RTN1: variants seen among roughly 807,000 people sequenced by gnomAD.
RTN1 encodes the protein reticulon 1, also known as reticulon-1.
A neutral mutation model predicts 65.5 loss-of-function variants in RTN1; 25 were observed. The ratio of observed to expected loss-of-function variants is 0.38; its 90% CI spans 0.28 to 0.53. The LOEUF is 0.53. Ranked by LOEUF, RTN1 falls within the 20% of genes least tolerant of loss-of-function variation. The pLI is 0.79. For missense variants in RTN1, 983 were observed against 1,025.4 expected, an observed-to-expected ratio of 0.96 and a Z score of 0.57; for synonymous variants, 471 against 447.6, an observed-to-expected ratio of 1.05 and a Z score of -0.66.
intron 3 of RTN1, among the ~76,000 whole-genome samples, chr14:59,715,759 G>A (rs1418945097): frequency 6.6e-6 from 1 of 151,524 alleles, no homozygotes; most frequent in Non-Finnish European, 1.5e-5. Flanking sequence ...CTGGGTGGTG[G>A]AGGTTGCAGT....
chr14:59,836,770 C>T lies in RTN1; in HGVS notation c.241+33620G>A, dbSNP rs907544980. Among the ~76,000 whole-genome samples the T allele has an allele frequency of 3.3e-5, 5 of 151,946 alleles. No individual in the cohort carries two copies. Among genetic ancestry groups the T allele is most frequent in the Non-Finnish European group, 5.9e-5 (4 of 68,000 alleles). ...AAGGAGGAAGAAAGCCAATGCTGAG[C>T]GGGGTGACACATCGCAGGGGTGCTT... On this transcript the variant is annotated intron_variant, in intron 1 of 8. Coordinates refer to ENST00000267484, the MANE Select transcript of RTN1 (RefSeq NM_021136.3). The surrounding 1 kb of genome is among the most constrained non-coding windows in gnomAD (Gnocchi z 4.9).
chr14:59,678,117 C>T (rs76727576), intron 3 of RTN1, among the ~76,000 whole-genome samples: 107 of 152,216 alleles, frequency 7.0e-4, no homozygotes, highest in Non-Finnish European at 1.0e-3. Context: ...GGAACAAGGG[C>T]GTCATATAAA....
chr14:59,803,144 ATTC>A lies in RTN1; in HGVS notation c.242-56666_242-56664del, dbSNP rs1886576894. On this transcript the variant is annotated intron_variant, in intron 1 of 8. Transcript: ENST00000267484. This position sits in a 1 kb window ranked among gnomAD's most constrained non-coding sequence, Gnocchi z 5.6. ...AAATCAAAAGGACAGGATGTCTCCT[ATTC>A]TTATGTGACTAAACACAGCTAGAAA... Among the ~76,000 whole-genome samples the A allele has an allele frequency of 6.6e-6, 1 of 152,222 alleles. No homozygotes were observed. The highest frequency in any genetic ancestry group is 2.4e-5 in the African/African-American group (1 of 41,466).
intron 3 of RTN1, among the ~76,000 whole-genome samples, chr14:59,657,242 C>A (rs978605264): frequency 2.0e-5 from 3 of 152,054 alleles, no homozygotes; most frequent in African/African-American, 7.2e-5. Flanking sequence ...AACCCTGTCT[C>A]TACTAAAAAT....
intron 3 of RTN1, among the ~76,000 whole-genome samples, chr14:59,642,534 C>T (rs751490247): frequency 9.9e-5 from 15 of 152,072 alleles, no homozygotes; most frequent in Admixed American, 3.9e-4. Context: ...TCTGCCACTT[C>T]GGATATTTGA....
chr14:59,610,765 T>C (rs960121578), intron 3 of RTN1, among the ~76,000 whole-genome samples: 1 of 152,224 alleles, frequency 6.6e-6, no homozygotes. Context: ...TAAGAAATTA[T>C]GGTTTAGGAG....
At chr14:59,676,555 T>C (rs1373134429) in intron 3 of RTN1, among the ~76,000 whole-genome samples, 1 of 152,106 alleles carries the variant, frequency 6.6e-6, no homozygotes, top group Non-Finnish European at 1.5e-5. Context: ...GAAAAGACTT[T>C]TGAGGGCAAA....
Position 59,868,557 on chromosome 14 carries a change from A to G in RTN1, c.241+1833T>C, listed in dbSNP as rs951339770. 2.8e-4 allele frequency among the ~76,000 whole-genome samples: 42 copies of G among 152,204 alleles called. No individual in the cohort carries two copies. The highest frequency in any genetic ancestry group is 9.6e-4 in the African/African-American group (40 of 41,466). On this transcript the variant is annotated intron_variant, in intron 1 of 8. Transcript: ENST00000267484. The surrounding 1 kb of genome is among the most constrained non-coding windows in gnomAD (Gnocchi z 4.0). Reference sequence around the variant, plus strand: ...AAAAGAGTAAATTTTAAACGCTTTTACCACAAAAAAAAAGTACATGAGATG... The same window carrying G: ...AAAAGAGTAAATTTTAAACGCTTTTGCCACAAAAAAAAAGTACATGAGATG...
intron 2 of RTN1, among the ~76,000 whole-genome samples, chr14:59,739,664 A>G (rs149412525): frequency 0.01 from 1,549 of 152,268 alleles, 24 homozygotes; most frequent in African/African-American, 0.035. Flanking sequence ...TAGGATAGAA[A>G]GAGGAGAAAA....
chr14:59,624,983 A>G (rs1882354821), intron 3 of RTN1, among the ~76,000 whole-genome samples: 1 of 152,240 alleles, frequency 6.6e-6, no homozygotes. Flanking sequence ...ATTATAAGGT[A>G]ACTTAAAATA....
intron 3 of RTN1, among the ~76,000 whole-genome samples, chr14:59,686,259 C>T (rs998736444): frequency 2.8e-4 from 43 of 152,000 alleles, no homozygotes; most frequent in Admixed American, 1.4e-3. Context: ...CTGGCCTGGG[C>T]GATTATTTTT....
intron 3 of RTN1, among the ~76,000 whole-genome samples, chr14:59,616,591 T>C (rs1004723503): frequency 2.6e-5 from 4 of 152,176 alleles, no homozygotes; most frequent in African/African-American, 7.2e-5. Context: ...TTGATACAAT[T>C]TAGTGTACAT....
chr14:59,626,185 T>C (rs1882394797), intron 3 of RTN1, among the ~76,000 whole-genome samples: 1 of 152,234 alleles, frequency 6.6e-6, no homozygotes, highest in Non-Finnish European at 1.5e-5. Context: ...AACAGATTAT[T>C]TCCTCGGTGT....
At chr14:59,642,593 C>A (rs977157265) in intron 3 of RTN1, among the ~76,000 whole-genome samples, 5 of 152,070 alleles carry the variant, frequency 3.3e-5, no homozygotes, top group Non-Finnish European at 7.4e-5. Context: ...TGTTCAAAGT[C>A]TTATTAAACA....
chr14:59,841,705 AAAAAAAAAAAC>A (rs1183379286), intron 1 of RTN1, among the ~76,000 whole-genome samples: 137 of 110,294 alleles, frequency 1.2e-3, no homozygotes, highest in African/African-American at 5.9e-3. Context: ...AGACTCCATT[AAAAAAAAAAAC>A]AAAAAAAAAA....
chr14:59,665,205 C>A (rs980248251), intron 3 of RTN1, among the ~76,000 whole-genome samples: 3 of 152,128 alleles, frequency 2.0e-5, no homozygotes, highest in African/African-American at 7.2e-5. Context: ...GGTCAAGTTA[C>A]CCACAAAGGG....
intron 3 of RTN1, among the ~76,000 whole-genome samples, chr14:59,723,820 G>A (rs1331089807): frequency 6.6e-6 from 1 of 152,060 alleles, no homozygotes; most frequent in African/African-American, 2.4e-5. Flanking sequence ...TGAGTTGCAT[G>A]ATAAGTAATC....
chr14:59,663,872 G>A (rs1178101013), intron 3 of RTN1, among the ~76,000 whole-genome samples: 2 of 152,108 alleles, frequency 1.3e-5, no homozygotes, highest in African/African-American at 4.8e-5. Flanking sequence ...GTCAGTGGGA[G>A]TTTAAATTAG....
intron 1 of RTN1, among the ~76,000 whole-genome samples, chr14:59,858,397 T>C (rs999649958): frequency 6.6e-6 from 1 of 152,130 alleles, no homozygotes; most frequent in Admixed American, 6.5e-5. Context: ...GACATGACAT[T>C]GTTTTCTATT....
Sources: gnomAD v4.1 joint callset for allele counts (sites outside exome capture counted in the v4.1 genomes callset) on GRCh38, gnomAD v4.1.1 for gene constraint, Gnocchi (gnomAD v3.1) non-coding constraint, MANE v1.5 for transcripts, NCBI Gene and HGNC (gene_info 2026-07-23, HGNC 2026-07-21) for gene names.